Variants in FHIT observed in about 807,000 individuals in gnomAD.
FHIT encodes bis(5'-adenosyl)-triphosphatase.
FHIT carries 19 observed loss-of-function variants against 17.9 expected under a neutral mutation model. The ratio of observed to expected loss-of-function variants is 1.06; its 90% CI spans 0.74 to 1.56. FHIT has a LOEUF of 1.56. Ranked by LOEUF, FHIT falls within the 40% of genes most tolerant of loss-of-function variation. The pLI, the probability that FHIT is intolerant of heterozygous loss-of-function variation, is 0.00. For missense variants in FHIT, 248 were observed against 189.2 expected (o/e 1.31, Z -1.82); for synonymous variants, 81 against 69.7 (o/e 1.16, Z -0.81).
At chr3:60,560,319 C>G (rs1372368305) in intron 4 of FHIT, among the ~76,000 whole-genome samples, 1 of 152,010 alleles carries the variant, frequency 6.6e-6, no homozygotes, top group Non-Finnish European at 1.5e-5. Flanking sequence ...ATGCATTTGC[C>G]TCTCTGTCTT....
intron 3 of FHIT, among the ~76,000 whole-genome samples, chr3:60,977,598 G>A (rs1306790575): frequency 6.6e-6 from 1 of 152,168 alleles, no homozygotes; most frequent in East Asian, 1.9e-4. Flanking sequence ...GTGGCTGGGT[G>A]CGGTGGTTCA....
chr3:59,806,639 TATATATATACATATATATGTATAC>T (rs1488300789), intron 8 of FHIT, among the ~76,000 whole-genome samples: 1 of 82,422 alleles, frequency 1.2e-5, no homozygotes, highest in African/African-American at 4.1e-5. Context: ...AGGGTTTATA[TATATATATACATATATATGTATAC>T]ATATATATGT....
At chr3:60,724,652 T>C (rs1478867850) in intron 4 of FHIT, among the ~76,000 whole-genome samples, 1 of 139,974 alleles carries the variant, frequency 7.1e-6, no homozygotes. Flanking sequence ...TGTCTGTTTT[T>C]TTTTTTTGTT....
intron 7 of FHIT, among the ~76,000 whole-genome samples, chr3:59,984,353 T>C (rs920789591): frequency 1.3e-5 from 2 of 151,124 alleles, no homozygotes; most frequent in Non-Finnish European, 2.9e-5. Flanking sequence ...GAAACATTTA[T>C]AAGAATATTA....
At chr3:60,165,680 C>A (rs1476496822) in intron 5 of FHIT, among the ~76,000 whole-genome samples, 2 of 151,980 alleles carry the variant, frequency 1.3e-5, no homozygotes, top group Non-Finnish European at 2.9e-5. Flanking sequence ...AAAAGTACAC[C>A]CTCTGCCTCT....
At chr3:60,486,885 C>G (rs74621770) in intron 5 of FHIT, among the ~76,000 whole-genome samples, 2,590 of 152,186 alleles carry the variant, frequency 0.017, 114 homozygotes, top group East Asian at 0.1. Flanking sequence ...CCCTATTGCT[C>G]TAAAAGAAAC....
chr3:60,810,453 C>A (rs1701539820), intron 4 of FHIT, among the ~76,000 whole-genome samples: 2 of 152,154 alleles, frequency 1.3e-5, no homozygotes, highest in Admixed American at 1.3e-4. Context: ...CCTGAAGAAA[C>A]CCACAGTGCA....
intron 8 of FHIT, among the ~76,000 whole-genome samples, chr3:59,857,540 A>G (rs1702209991): frequency 6.6e-6 from 1 of 152,098 alleles, no homozygotes; most frequent in African/African-American, 2.4e-5. Flanking sequence ...GATTATACAA[A>G]TAATATTCCA....
chr3:60,238,061 G>A (rs962688027), intron 5 of FHIT, among the ~76,000 whole-genome samples: 85 of 148,772 alleles, frequency 5.7e-4, no homozygotes, highest in African/African-American at 1.8e-3. Context: ...CAGGAAAATC[G>A]CTTGAGCCTT....
intron 4 of FHIT, among the ~76,000 whole-genome samples, chr3:60,565,251 G>A (rs182385159): frequency 1.3e-5 from 2 of 152,134 alleles, no homozygotes; most frequent in Non-Finnish European, 2.9e-5. Flanking sequence ...TATTGCGATA[G>A]TCACTTTTTC....
chr3:60,250,443 C>T (rs868376288), intron 5 of FHIT, among the ~76,000 whole-genome samples: 1 of 152,178 alleles, frequency 6.6e-6, no homozygotes. Flanking sequence ...TAAGGACCCC[C>T]TCGGCCAGAA....
chr3:60,274,401 C>T lies in FHIT; in HGVS notation c.104-260249G>A, dbSNP rs1020245951. On this transcript the variant is annotated intron_variant, in intron 5 of 9. Coordinates refer to ENST00000492590, the MANE Select transcript of FHIT (RefSeq NM_002012.4). ...AGTCACTCAATAAATATTTGAAGAA[C>T]GAAATGACAAAATACCCTTTACCTG... Among the ~76,000 whole-genome samples the T allele has an allele frequency of 1.3e-5, 2 of 152,024 alleles. 1 individual carries two copies.
At chr3:60,263,521 G>C (rs1706406197) in intron 5 of FHIT, among the ~76,000 whole-genome samples, 1 of 151,962 alleles carries the variant, frequency 6.6e-6, no homozygotes, top group Admixed American at 6.6e-5. Flanking sequence ...GGAATGAACT[G>C]TTGACACATG....
intron 5 of FHIT, among the ~76,000 whole-genome samples, chr3:60,453,505 G>C (rs1449969493): frequency 6.6e-6 from 1 of 152,168 alleles, no homozygotes; most frequent in Non-Finnish European, 1.5e-5. Context: ...AGTCAAGGGA[G>C]ATGACTGACA....
intron 4 of FHIT, among the ~76,000 whole-genome samples, chr3:60,622,515 C>G (rs1367882462): frequency 6.6e-6 from 1 of 152,074 alleles, no homozygotes; most frequent in African/African-American, 2.4e-5. Flanking sequence ...TCCACAGGGA[C>G]TATAACAAAA....
chr3:60,472,707 T>G (rs2033150209), intron 5 of FHIT, among the ~76,000 whole-genome samples: 1 of 152,172 alleles, frequency 6.6e-6, no homozygotes, highest in African/African-American at 2.4e-5. Context: ...CTTTCAACTT[T>G]ACATGCTTTG....
chr3:59,943,195 G>A (rs1458364625), intron 7 of FHIT, among the ~76,000 whole-genome samples: 1 of 152,146 alleles, frequency 6.6e-6, no homozygotes, highest in African/African-American at 2.4e-5. Context: ...ACGGAAAATA[G>A]GAATCAGGAA....
intron 3 of FHIT, among the ~76,000 whole-genome samples, chr3:61,023,239 C>T (rs569002078): frequency 6.6e-6 from 1 of 152,300 alleles, no homozygotes; most frequent in African/African-American, 2.4e-5. Context: ...AACTCCCATT[C>T]ACAATTGCTA....
At chr3:59,911,880 C>G (rs1704895531) in intron 8 of FHIT, among the ~76,000 whole-genome samples, 2 of 152,112 alleles carry the variant, frequency 1.3e-5, no homozygotes, top group African/African-American at 4.8e-5. Flanking sequence ...TCTTGACAAC[C>G]TACTCTATTA....
Sources: gnomAD v4.1 joint callset for allele counts (sites outside exome capture counted in the v4.1 genomes callset) on GRCh38, gnomAD v4.1.1 for gene constraint, MANE v1.5 for transcripts, NCBI Gene and HGNC (gene_info 2026-07-23, HGNC 2026-07-21) for gene names.